Variants in CYRIB observed in about 807,000 individuals in gnomAD.
The protein encoded by CYRIB is CYFIP related Rac1 interactor B.
Under a neutral mutation model 44.2 loss-of-function variants are expected in CYRIB, and 8 were observed. That is an observed-to-expected ratio of 0.18 (90% CI 0.11 to 0.33). The LOEUF (loss-of-function observed/expected upper bound fraction) is 0.33, where lower values mean the gene tolerates loss of function less well. Among genes scored for constraint, CYRIB ranks in the 10% least tolerant of loss-of-function variants. The pLI, the probability that CYRIB is intolerant of heterozygous loss-of-function variation, is 1.00. For synonymous variants in CYRIB, 131 were observed against 127.2 expected (o/e 1.03, Z -0.20); for missense variants, 185 against 382.8 (o/e 0.48, Z 4.31).
chr8:129,922,886 C>A (rs997298461), intron 1 of CYRIB, among the ~76,000 whole-genome samples: 7 of 149,272 alleles, frequency 4.7e-5, no homozygotes, highest in African/African-American at 1.7e-4. Context: ...AAAAAAGATG[C>A]TTTACTTTGT....
intron 2 of CYRIB, among the ~76,000 whole-genome samples, chr8:129,961,600 C>A (rs1564441126): frequency 1.3e-5 from 2 of 152,198 alleles, no homozygotes; most frequent in African/African-American, 4.8e-5. Flanking sequence ...CTTGGCCAGA[C>A]TGTAAGCTCC....
At chr8:129,986,730 C>A (rs937018358) in intron 1 of CYRIB, among the ~76,000 whole-genome samples, 2 of 152,198 alleles carry the variant, frequency 1.3e-5, no homozygotes, top group African/African-American at 4.8e-5. Flanking sequence ...ACATCTCAGC[C>A]TCCAGAACTG....
At chr8:129,888,501 A>AGAT (rs1048760666) in intron 2 of CYRIB, among the ~76,000 whole-genome samples, 3 of 152,286 alleles carry the variant, frequency 2.0e-5, no homozygotes, top group African/African-American at 7.2e-5. Context: ...ACACATGCGC[A>AGAT]TCTAACCACA....
intron 1 of CYRIB, among the ~76,000 whole-genome samples, chr8:129,979,472 T>C (rs181668346): frequency 1.1e-4 from 17 of 152,322 alleles, no homozygotes; most frequent in African/African-American, 3.6e-4. Context: ...TGAACCACTA[T>C]TAGCTGGAAA....
At chr8:129,982,600 T>C (rs1020581082) in intron 1 of CYRIB, among the ~76,000 whole-genome samples, 6 of 152,212 alleles carry the variant, frequency 3.9e-5, no homozygotes, top group South Asian at 2.1e-4. Flanking sequence ...TTGCTTCATC[T>C]GTAATCCTCA....
At chr8:129,943,592 CTTTT>C (rs1172470025), upstream of CYRIB, among the ~76,000 whole-genome samples, 1 of 96,184 alleles carries the variant, frequency 1.0e-5, no homozygotes, top group Non-Finnish European at 1.9e-5. Context: ...GAGACTCCAT[CTTTT>C]TTTTTTTTTT....
At chr8:129,893,092 C>T (rs2066184002) in intron 2 of CYRIB, among the ~76,000 whole-genome samples, 1 of 152,192 alleles carries the variant, frequency 6.6e-6, no homozygotes, top group Non-Finnish European at 1.5e-5. Context: ...GTATGTCTCA[C>T]TGAAAGATGC....
chr8:129,904,135 A>T (rs775921919), intron 1 of CYRIB, among the ~76,000 whole-genome samples: 8 of 152,184 alleles, frequency 5.3e-5, no homozygotes, highest in Non-Finnish European at 1.2e-4. Context: ...AGGTTATAAG[A>T]AGCAAATAAA....
chr8:129,930,827 T>G (rs1283908429), intron 1 of CYRIB, among the ~76,000 whole-genome samples: 1 of 152,190 alleles, frequency 6.6e-6, no homozygotes, highest in Admixed American at 6.5e-5. Context: ...TTTTACCCAC[T>G]GGCAACTGAG....
At chr8:130,006,651 CATATATATATGTATATATATATGTATAT>C (rs1355489098) in intron 1 of CYRIB, among the ~76,000 whole-genome samples, 2 of 100,102 alleles carry the variant, frequency 2.0e-5, no homozygotes, top group Non-Finnish European at 4.1e-5. Context: ...TATATATATA[CATATATATATGTATATATATATGTATAT>C]ATATACACAC....
At chr8:129,948,163 C>T (rs941193334) in intron 2 of CYRIB, among the ~76,000 whole-genome samples, 10 of 152,140 alleles carry the variant, frequency 6.6e-5, no homozygotes, top group Admixed American at 5.2e-4. Flanking sequence ...GAAGCAAGGA[C>T]GATGCCTTGA....
chr8:129,861,392 T>G (rs577855457), intron 5 of CYRIB, among the ~76,000 whole-genome samples: 3 of 152,330 alleles, frequency 2.0e-5, no homozygotes, highest in Non-Finnish European at 2.9e-5. Context: ...GAACTCTTTT[T>G]GCTTTAATAA....
intron 1 of CYRIB, among the ~76,000 whole-genome samples, chr8:129,938,835 T>C (rs2093274737): frequency 6.6e-6 from 1 of 152,160 alleles, no homozygotes; most frequent in South Asian, 2.1e-4. Context: ...GTACTCAGTA[T>C]GACCCAGAAT....
chr8:129,905,859 ATATT>A (rs1219100291), intron 1 of CYRIB, among the ~76,000 whole-genome samples: 2 of 152,186 alleles, frequency 1.3e-5, no homozygotes, highest in Non-Finnish European at 2.9e-5. Context: ...TAAATAGTAA[ATATT>A]AATTAATATT....
exon 12 of CYRIB, chr8:129,841,363 CCCT>C (rs2036225640): frequency 6.6e-6 from 1 of 152,284 alleles, no homozygotes; most frequent in Non-Finnish European, 1.5e-5. Flanking sequence ...CCCGGCTCTC[CCCT>C]AAAAGAAGAA....
chr8:129,886,795 A>C (rs546402895), intron 2 of CYRIB, among the ~76,000 whole-genome samples: 1 of 152,062 alleles, frequency 6.6e-6, no homozygotes, highest in East Asian at 1.9e-4. Flanking sequence ...AAAGGGCAGC[A>C]CGTCTCACCT....
intron 1 of CYRIB, among the ~76,000 whole-genome samples, chr8:129,988,001 C>T (rs1449055049): frequency 2.0e-5 from 3 of 152,206 alleles, no homozygotes; most frequent in Non-Finnish European, 2.9e-5. Context: ...GTTTTTGTAT[C>T]GGTTGGAACC....
intron 4 of CYRIB, among the ~76,000 whole-genome samples, chr8:129,869,304 A>G (rs970546867): frequency 6.8e-6 from 1 of 147,402 alleles, no homozygotes; most frequent in African/African-American, 2.5e-5. Context: ...AATTGCTTGA[A>G]CCTGGGAGGT....
At chr8:130,012,267 C>A (rs1335934845) in intron 1 of CYRIB, among the ~76,000 whole-genome samples, 1 of 152,152 alleles carries the variant, frequency 6.6e-6, no homozygotes, top group Admixed American at 6.5e-5. Flanking sequence ...TCTCGACAAG[C>A]TCTGGTACAA....
Sources: gnomAD v4.1 joint callset for allele counts (sites outside exome capture counted in the v4.1 genomes callset) on GRCh38, gnomAD v4.1.1 for gene constraint, MANE v1.5 for transcripts, NCBI Gene and HGNC (gene_info 2026-07-23, HGNC 2026-07-21) for gene names.